GRID2: variants seen among roughly 807,000 people sequenced by gnomAD.
GRID2 encodes glutamate receptor ionotropic, delta-2.
In GRID2, 33 loss-of-function variants were observed where a neutral mutation model predicts 114.8. The observed-to-expected ratio is 0.29, with a 90% CI of 0.22 to 0.38. The LOEUF (loss-of-function observed/expected upper bound fraction) is 0.38. Among genes scored for constraint, GRID2 ranks in the 10% least tolerant of loss-of-function variants. GRID2 has a pLI of 1.00. For synonymous variants in GRID2, 505 were observed against 449.9 expected (o/e 1.12, Z -1.55); for missense variants, 1,184 against 1,257.7 (o/e 0.94, Z 0.89).
intron 14 of GRID2, among the ~76,000 whole-genome samples, chr4:93,690,220 G>A (rs1377662089): frequency 2.6e-5 from 4 of 151,874 alleles, no homozygotes; most frequent in African/African-American, 7.3e-5. Flanking sequence ...ACAACCTTGT[G>A]GGGGTACATA....
intron 13 of GRID2, among the ~76,000 whole-genome samples, chr4:93,518,073 A>G (rs1255135689): frequency 6.3e-5 from 4 of 63,800 alleles, no homozygotes; most frequent in Non-Finnish European, 1.0e-4. Flanking sequence ...TAGTATATAC[A>G]TATATATATA....
intron 13 of GRID2, among the ~76,000 whole-genome samples, chr4:93,582,927 T>C (rs920418571): frequency 6.6e-6 from 1 of 152,138 alleles, no homozygotes; most frequent in Non-Finnish European, 1.5e-5. Flanking sequence ...CTCTCAAAGT[T>C]CTGGAGGCTA....
At chr4:92,346,883 G>C (rs1032430378) in intron 1 of GRID2, among the ~76,000 whole-genome samples, 2 of 152,112 alleles carry the variant, frequency 1.3e-5, no homozygotes, top group African/African-American at 4.8e-5. Flanking sequence ...TATTTTAGTT[G>C]CAAGTGATAT....
intron 2 of GRID2, among the ~76,000 whole-genome samples, chr4:92,703,965 A>G (rs2149303505): frequency 6.6e-6 from 1 of 152,224 alleles, no homozygotes; most frequent in East Asian, 1.9e-4. Context: ...TACTTCGTAG[A>G]TGTTTGCAGA....
In GRID2 at chr4:93,087,808, A is replaced by G. The variant is rs186047818; in HGVS notation, c.529+2529A>G. ...CTTTAATACTTACAATTAATCTTGC[A>G]AGTAAAGCATTGGACTAGAGTCCAA... On this transcript the variant is annotated intron_variant, in intron 3 of 15. Transcript: ENST00000282020. Among the ~76,000 whole-genome samples the G allele has an allele frequency of 1.1e-4, 17 of 152,292 alleles. No homozygotes were observed. The East Asian group carries it at 3.1e-3, about 28-fold the overall frequency.
chr4:92,307,548 C>T (rs1725472858), intron 1 of GRID2, among the ~76,000 whole-genome samples: 1 of 152,112 alleles, frequency 6.6e-6, no homozygotes. Flanking sequence ...GTTTTTACCT[C>T]ATGCCGGTAG....
intron 2 of GRID2, among the ~76,000 whole-genome samples, chr4:92,866,818 G>C (rs1373955401): frequency 1.3e-5 from 2 of 151,902 alleles, no homozygotes; most frequent in African/African-American, 4.8e-5. Context: ...CCCCAAGTGC[G>C]GGGATTGTAG....
chr4:92,661,879 ATTCT>A (rs1218146428), intron 2 of GRID2, among the ~76,000 whole-genome samples: 1 of 151,190 alleles, frequency 6.6e-6, no homozygotes, highest in African/African-American at 2.4e-5. Flanking sequence ...CATATTTCTA[ATTCT>A]TTATAGCTTT....
chr4:92,555,380 T>A (rs761475977), intron 1 of GRID2, among the ~76,000 whole-genome samples: 1 of 152,172 alleles, frequency 6.6e-6, no homozygotes, highest in Non-Finnish European at 1.5e-5. Context: ...GAGTCAAAGC[T>A]ACAGATATTT....
At chr4:92,835,915 T>C (rs1742421271) in intron 2 of GRID2, among the ~76,000 whole-genome samples, 1 of 152,110 alleles carries the variant, frequency 6.6e-6, no homozygotes, top group African/African-American at 2.4e-5. Context: ...GATCACAGGC[T>C]TAATTTGATT....
chr4:93,178,518 C>T (rs1009699681), intron 4 of GRID2, among the ~76,000 whole-genome samples: 1 of 149,750 alleles, frequency 6.7e-6, no homozygotes, highest in East Asian at 2.0e-4. Context: ...ACCTCAGCCT[C>T]CTGACTAGCT....
chr4:93,418,381 A>C (rs144296301), intron 9 of GRID2, among the ~76,000 whole-genome samples: 1 of 151,992 alleles, frequency 6.6e-6, no homozygotes, highest in African/African-American at 2.4e-5. Flanking sequence ...ACTCAGTCAT[A>C]TGTTAACTTT....
intron 2 of GRID2, among the ~76,000 whole-genome samples, chr4:92,663,679 G>A (rs575982259): frequency 6.6e-6 from 1 of 150,996 alleles, no homozygotes; most frequent in African/African-American, 2.4e-5. Flanking sequence ...CTATTTTTAA[G>A]TGTACAGTTC....
At chr4:93,612,255 C>G (rs1440512666) in intron 13 of GRID2, among the ~76,000 whole-genome samples, 1 of 149,226 alleles carries the variant, frequency 6.7e-6, no homozygotes. Context: ...TGGGTCTTGA[C>G]TCTTTATCCA....
intron 9 of GRID2, among the ~76,000 whole-genome samples, chr4:93,416,865 A>G (rs1767763818): frequency 6.6e-6 from 1 of 152,110 alleles, no homozygotes; most frequent in East Asian, 1.9e-4. Flanking sequence ...CTTTTCTACA[A>G]GCAGGTCTGT....
chr4:93,636,976 T>G (rs1721464936), intron 14 of GRID2, among the ~76,000 whole-genome samples: 1 of 152,158 alleles, frequency 6.6e-6, no homozygotes, highest in Admixed American at 6.6e-5. Context: ...TCCCTAAAAT[T>G]TACCAGTAAA....
At chr4:93,172,859 GATA>G (rs1738981224) in intron 4 of GRID2, among the ~76,000 whole-genome samples, 1 of 151,492 alleles carries the variant, frequency 6.6e-6, no homozygotes, top group African/African-American at 2.4e-5. Flanking sequence ...AAAGTTAACT[GATA>G]ATGAGATTGA....
At chr4:92,341,482 C>T (rs1220155092) in intron 1 of GRID2, among the ~76,000 whole-genome samples, 1 of 152,092 alleles carries the variant, frequency 6.6e-6, no homozygotes, top group East Asian at 1.9e-4. Context: ...CTTCTACCCC[C>T]ATCCACAGCC....
At chr4:92,500,636 G>A (rs2149122690) in intron 1 of GRID2, among the ~76,000 whole-genome samples, 1 of 152,242 alleles carries the variant, frequency 6.6e-6, no homozygotes, top group South Asian at 2.1e-4. Flanking sequence ...AATGCTTTAT[G>A]TTGCTAAGCC....
Sources: allele counts gnomAD v4.1 joint callset (sites outside exome capture counted in the v4.1 genomes callset), GRCh38; gene constraint gnomAD v4.1.1; transcripts MANE v1.5; gene names NCBI Gene and HGNC (gene_info 2026-07-23, HGNC 2026-07-21).